The following MSRA variants were observed in gnomAD, a reference collection of about 807,000 sequenced individuals.
MSRA encodes methionine sulfoxide reductase A, also known as mitochondrial peptide methionine sulfoxide reductase.
MSRA carries 54 observed loss-of-function variants against 31.3 expected under a neutral mutation model. The ratio of observed to expected loss-of-function variants is 1.73; its 90% CI spans 1.39 to 2.17. MSRA has a LOEUF of 2.17. Among genes scored for constraint, MSRA ranks in the 30% most tolerant of loss-of-function variants. The probability of loss-of-function intolerance (pLI) is 0.00; values close to 1 mark genes in which losing one functional copy is unlikely to be tolerated. For missense variants in MSRA, 507 were observed against 300.9 expected (o/e 1.69, Z -5.07); for synonymous variants, 169 against 116.5 (o/e 1.45, Z -2.90).
At position 10,205,873 on chromosome 8, in the gene MSRA, A is replaced by G. The variant is rs56208959; in HGVS notation, c.143-1960A>G. Among the ~76,000 whole-genome samples the G allele has an allele frequency of 5.1e-3, 780 of 152,198 alleles. 4 individuals are homozygous for G. The highest frequency in any genetic ancestry group is 0.018 in the African/African-American group (751 of 41,526). On this transcript the variant is annotated intron_variant, in intron 1 of 5. Coordinates refer to ENST00000317173, the MANE Select transcript of MSRA (RefSeq NM_012331.5). ...CCCAAATATTTTCCCACATTTCTGTATCTCTCTCAAGGCTGCATTTAAAAC... is the reference window on the plus strand; with the variant it reads ...CCCAAATATTTTCCCACATTTCTGTGTCTCTCTCAAGGCTGCATTTAAAAC...
chr8:10,228,778 A>G (rs560393397), intron 2 of MSRA, among the ~76,000 whole-genome samples: 1 of 152,322 alleles, frequency 6.6e-6, no homozygotes, highest in South Asian at 2.1e-4. Flanking sequence ...GGCTAGTAGC[A>G]TCTTCCTTGT....
Position 10,198,266 on chromosome 8 carries a change from T to C in MSRA, c.143-9567T>C, listed in dbSNP as rs1289890445. Among the ~76,000 whole-genome samples, 3 of 152,172 alleles carry C rather than the reference T, an allele frequency of 2.0e-5. No individual in the cohort carries two copies. The East Asian group carries it at 5.8e-4, about 29-fold the overall frequency. On this transcript the variant is annotated intron_variant, in intron 1 of 5. Coordinates refer to ENST00000317173, the MANE Select transcript of MSRA (RefSeq NM_012331.5). ...ACTACAGCATCACCATGCTTCCTTC[T>C]TGTTATTTTCCTTGACTTTGTTCTT...
chr8:10,317,114 C>T (rs569824182), intron 4 of MSRA, among the ~76,000 whole-genome samples: 1 of 152,186 alleles, frequency 6.6e-6, no homozygotes, highest in Non-Finnish European at 1.5e-5. Context: ...CATGGACAGT[C>T]CTGCTAATGA....
intron 1 of MSRA, among the ~76,000 whole-genome samples, chr8:10,142,541 A>G (rs999974554): frequency 4.6e-5 from 7 of 152,212 alleles, no homozygotes; most frequent in African/African-American, 1.4e-4. Flanking sequence ...ACAAAGGTGA[A>G]GCTCTGATTT....
chr8:10,333,519 A>G (rs1802830280), intron 5 of MSRA, among the ~76,000 whole-genome samples: 1 of 152,164 alleles, frequency 6.6e-6, no homozygotes, highest in African/African-American at 2.4e-5. Context: ...GTGGCTCTGT[A>G]CTTGCTTTGT....
chr8:10,402,748 A>G (rs1807544612), intron 5 of MSRA, among the ~76,000 whole-genome samples: 1 of 152,210 alleles, frequency 6.6e-6, no homozygotes, highest in African/African-American at 2.4e-5. Context: ...TCTCAAAAGT[A>G]TAGTGCAGTG....
intron 1 of MSRA, among the ~76,000 whole-genome samples, chr8:10,089,240 C>G (rs991303709): frequency 2.0e-5 from 3 of 152,180 alleles, no homozygotes; most frequent in Non-Finnish European, 4.4e-5. Context: ...CCCGTATCAT[C>G]ACGTTGTCAA....
intron 2 of MSRA, among the ~76,000 whole-genome samples, chr8:10,220,412 G>T (rs779856604): frequency 2.6e-5 from 4 of 152,166 alleles, no homozygotes; most frequent in African/African-American, 4.8e-5. Flanking sequence ...TTACCATGAA[G>T]AAACTCAAAA....
intron 1 of MSRA, among the ~76,000 whole-genome samples, chr8:10,056,465 T>C (rs1004253354): frequency 2.6e-5 from 4 of 151,658 alleles, no homozygotes; most frequent in African/African-American, 9.7e-5. Context: ...CTCTGCTGTC[T>C]CCATATAGCT....
intron 1 of MSRA, among the ~76,000 whole-genome samples, chr8:10,153,860 G>A (rs1298094290): frequency 6.6e-6 from 1 of 152,108 alleles, no homozygotes; most frequent in Admixed American, 6.5e-5. Flanking sequence ...TTTTATTTCG[G>A]ATCCAGGCTT....
intron 2 of MSRA, among the ~76,000 whole-genome samples, chr8:10,217,062 C>G (rs1385815150): frequency 6.6e-6 from 1 of 152,180 alleles, no homozygotes; most frequent in South Asian, 2.1e-4. Context: ...CTTGCCAACC[C>G]TTGTTATTTA....
rs976686310 is a variant in MSRA at position 10,116,255 on chromosome 8, A to AT, written c.142+61605dup. Among the ~76,000 whole-genome samples the AT allele has an allele frequency of 9.9e-5, 15 of 152,156 alleles. 1 individual carries two copies. Among genetic ancestry groups the AT allele is most frequent in the Admixed American group, 3.3e-4 (5 of 15,298 alleles). ...ATTCATAAACTTTTTTAAAACATTGATTTTTTTTAAATTTTAAGCTCATTA... is the reference window on the plus strand; with the variant it reads ...ATTCATAAACTTTTTTAAAACATTGATTTTTTTTTAAATTTTAAGCTCATTA... On this transcript the variant is annotated intron_variant, in intron 1 of 5. Coordinates refer to ENST00000317173, the MANE Select transcript of MSRA (RefSeq NM_012331.5).
intron 5 of MSRA, among the ~76,000 whole-genome samples, chr8:10,374,481 G>A (rs1055541887): frequency 5.3e-5 from 8 of 152,188 alleles, no homozygotes; most frequent in African/African-American, 1.9e-4. Context: ...AAGGTCTTAT[G>A]AGTCCAGTAT....
intron 5 of MSRA, among the ~76,000 whole-genome samples, chr8:10,392,231 C>T (rs992258196): frequency 5.9e-5 from 9 of 152,206 alleles, no homozygotes; most frequent in African/African-American, 2.2e-4. Context: ...AGTGGATGGA[C>T]AGCTGTCTCC....
At chr8:10,128,810 A>G (rs562274327) in intron 1 of MSRA, among the ~76,000 whole-genome samples, 40 of 152,216 alleles carry the variant, frequency 2.6e-4, no homozygotes, top group Non-Finnish European at 4.8e-4. Context: ...CATTCATGCA[A>G]CAGATATTTA....
intron 3 of MSRA, among the ~76,000 whole-genome samples, chr8:10,257,487 A>G (rs1217061665): frequency 6.6e-6 from 1 of 151,870 alleles, no homozygotes; most frequent in African/African-American, 2.4e-5. Context: ...GCTCACTGCA[A>G]CCCCCGCCTC....
At chr8:10,228,856 C>G (rs1022482663) in intron 2 of MSRA, among the ~76,000 whole-genome samples, 1 of 152,164 alleles carries the variant, frequency 6.6e-6, no homozygotes, top group African/African-American at 2.4e-5. Flanking sequence ...TTGGTGGATA[C>G]AAACTCATTT....
rs192701836 is a variant in MSRA, at chr8:10,263,267, C to T, written c.331+18044C>T. ...TTTCTTCCCTACTGGCCTCACCATTCTCCCAGTAACTCAGACTGTCTGTCA... is the reference window on the plus strand; with the variant it reads ...TTTCTTCCCTACTGGCCTCACCATTTTCCCAGTAACTCAGACTGTCTGTCA... On this transcript the variant is annotated intron_variant, in intron 3 of 5. Coordinates refer to ENST00000317173, the MANE Select transcript of MSRA (RefSeq NM_012331.5). 5.6e-4 allele frequency among the ~76,000 whole-genome samples: 86 copies of T among 152,344 alleles called. 1 individual carries two copies. The highest frequency in any genetic ancestry group is 4.9e-3 in the Admixed American group (75 of 15,314).
At chr8:10,423,367 A>G (rs542070832) in intron 5 of MSRA, among the ~76,000 whole-genome samples, 6 of 152,146 alleles carry the variant, frequency 3.9e-5, no homozygotes, top group Non-Finnish European at 7.4e-5. Flanking sequence ...CACGCTACCT[A>G]GGAACCCCTG....
Sources: allele counts gnomAD v4.1 joint callset (sites outside exome capture counted in the v4.1 genomes callset), GRCh38; gene constraint gnomAD v4.1.1; transcripts MANE v1.5; gene names NCBI Gene and HGNC (gene_info 2026-07-23, HGNC 2026-07-21).